The following PLAAT5 variants were observed in gnomAD, a reference collection of about 807,000 sequenced individuals.
PLAAT5 encodes Ca(2+)-independent N-acyltransferase.
Under a neutral mutation model 27.8 loss-of-function variants are expected in PLAAT5, and 27 were observed. That is an observed-to-expected ratio of 0.97 (90% confidence interval 0.72 to 1.34). The LOEUF (loss-of-function observed/expected upper bound fraction) is 1.34, where lower values mean the gene tolerates loss of function less well. PLAAT5 is among the 40% of genes most tolerant of loss of function. The pLI is 0.00. For synonymous variants in PLAAT5, 125 were observed against 136.1 expected (o/e 0.92, Z 0.57); for missense variants, 368 against 343.8 (o/e 1.07, Z -0.56).
intron 3 of PLAAT5, among the ~76,000 whole-genome samples, chr11:63,476,332 T>C (rs1181835606): frequency 6.6e-6 from 1 of 152,170 alleles, no homozygotes; most frequent in Admixed American, 6.5e-5. Context: ...TGGCTTAGAA[T>C]GCTATCTGGT....
intron 3 of PLAAT5, among the ~76,000 whole-genome samples, chr11:63,479,422 TA>T (rs2016230950): frequency 6.6e-6 from 1 of 152,256 alleles, no homozygotes. Flanking sequence ...GTCTGAAGTT[TA>T]AATATTTTGA....
intron 3 of PLAAT5, among the ~76,000 whole-genome samples, chr11:63,488,016 G>A (rs1443312158): frequency 6.6e-6 from 1 of 152,140 alleles, no homozygotes; most frequent in East Asian, 1.9e-4. Flanking sequence ...ATGGTGGCAG[G>A]TGCCTCTAGT....
At chr11:63,478,325 C>CTTT (rs768796267) in intron 3 of PLAAT5, among the ~76,000 whole-genome samples, 1 of 143,958 alleles carries the variant, frequency 6.9e-6, no homozygotes. Context: ...AATAGACTTT[C>CTTT]TTTTTTTTTT....
At chr11:63,466,657 T>C (rs1347479796) in intron 4 of PLAAT5, among the ~76,000 whole-genome samples, 2 of 152,188 alleles carry the variant, frequency 1.3e-5, no homozygotes, top group African/African-American at 2.4e-5. Context: ...TGCACTGACC[T>C]ACCCAAGTCC....
Position 63,488,951 on chromosome 11 carries a change from T to A in PLAAT5, c.265A>T (p.Thr89Ser), listed in dbSNP as rs540479116. The change falls in exon 3 of 6, where the codon ACC becomes TCC. Residue 89 changes from threonine (T) to serine (S), a missense_variant. By Grantham distance (58) the Thr-to-Ser change is moderately conservative. Transcript: ENST00000540857. ...QGEKAVVSLE[T>S]TPSQKADWSS... ...CAGTCTGCTTTCTGGCTGGGTGTGGTCTCCAAGCTAACTACAGCCTTCTCC... is the reference window on the plus strand; with the variant it reads ...CAGTCTGCTTTCTGGCTGGGTGTGGACTCCAAGCTAACTACAGCCTTCTCC... The A allele has an allele frequency of 6.2e-7, 1 of 1,613,120 alleles. No individual in the cohort carries two copies. Among genetic ancestry groups the A allele is most frequent in the South Asian group, 1.1e-5 (1 of 90,958 alleles).
In PLAAT5 at chr11:63,483,823, A is replaced by G. The variant is rs189980365; in HGVS notation, c.345+5048T>C. Among the ~76,000 whole-genome samples the G allele has an allele frequency of 5.5e-4, 63 of 115,356 alleles. 2 individuals are homozygous for G. In the East Asian group the frequency reaches 0.01, roughly 19 times the overall value. The allele number at this position is 115,356 out of a possible 152,430, so 75.7% of individuals were successfully genotyped here. On this transcript the variant is annotated intron_variant, in intron 3 of 5. Coordinates refer to ENST00000540857, the MANE Select transcript of PLAAT5 (RefSeq NM_001146729.2). ...TATGTATATATATATATATATATATATATATATATATATATATATACACAT... is the reference window on the plus strand; with the variant it reads ...TATGTATATATATATATATATATATGTATATATATATATATATATACACAT...
In PLAAT5 at chr11:63,490,251, G is replaced by A. The variant is rs545470378; in HGVS notation, c.231C>T (p.Ile77=). 6.2e-7 allele frequency: 1 copy of A among 1,614,180 alleles called. No homozygotes were observed. The highest frequency in any genetic ancestry group is 1.1e-5 in the South Asian group (1 of 91,078). ...PPGTLEQGRS[I]QQGEKAVVSL... ...CCTTACAATCTTCTTACCCTTGCTGGATGCTTCTGCCCTGTTCTAATGTGC... is the reference window on the plus strand; with the variant it reads ...CCTTACAATCTTCTTACCCTTGCTGAATGCTTCTGCCCTGTTCTAATGTGC... Residue 77 remains isoleucine, a synonymous_variant, in exon 2 of 6, where the codon ATC becomes ATT. Transcript: ENST00000540857.
At chr11:63,486,885 G>A (rs1337218578) in intron 3 of PLAAT5, among the ~76,000 whole-genome samples, 1 of 152,096 alleles carries the variant, frequency 6.6e-6, no homozygotes, top group Non-Finnish European at 1.5e-5. Flanking sequence ...AAGAAAACAG[G>A]AGAAAATCTT....
intron 3 of PLAAT5, chr11:63,470,793 C>G (rs1011123339): frequency 1.3e-5 from 2 of 152,116 alleles, no homozygotes; most frequent in African/African-American, 4.8e-5. Context: ...CTGCTCACAT[C>G]TTACTCAAAA....
chr11:63,483,799 ATGTATATATATATATATATATATAT>A (rs1565215183), intron 3 of PLAAT5, among the ~76,000 whole-genome samples: 2 of 50,830 alleles, frequency 3.9e-5, no homozygotes, highest in African/African-American at 5.2e-4. Flanking sequence ...ATATATATAT[ATGTATATATATATATATATATATAT>A]ATATATATAT....
chr11:63,476,863 ATTTTTC>A (rs1489998735), intron 3 of PLAAT5, among the ~76,000 whole-genome samples: 13 of 151,220 alleles, frequency 8.6e-5, no homozygotes, highest in Admixed American at 5.3e-4. Context: ...GGCTCTGTTC[ATTTTTC>A]TTTTTCTTTT....
rs958884710 is a variant in PLAAT5 at position 63,463,343 on chromosome 11, A to G, written c.*160T>C. Reference sequence around the variant, plus strand: ...AGAGTCTGTGGGTCTATGCTCGTATATATTGGATGTATTTCTGGAAGGGTA... The same window carrying G: ...AGAGTCTGTGGGTCTATGCTCGTATGTATTGGATGTATTTCTGGAAGGGTA... On this transcript the variant is annotated 3_prime_UTR_variant, in exon 6 of 6. Transcript: ENST00000540857. 3.1e-5 allele frequency: 21 copies of G among 681,528 alleles called. No homozygotes were observed. Among genetic ancestry groups the G allele is most frequent in the Non-Finnish European group, 2.7e-6 (1 of 375,802 alleles). The allele number at this position is 681,528 out of a possible 1,614,324, so 42.2% of individuals were successfully genotyped here.
intron 3 of PLAAT5, among the ~76,000 whole-genome samples, chr11:63,473,017 C>T (rs1220784758): frequency 5.3e-5 from 8 of 151,330 alleles, no homozygotes; most frequent in Non-Finnish European, 1.0e-4. Context: ...GGCTGAGGCA[C>T]GAGAATCGCT....
At chr11:63,472,999 A>C (rs952932282) in intron 3 of PLAAT5, among the ~76,000 whole-genome samples, 1 of 152,030 alleles carries the variant, frequency 6.6e-6, no homozygotes, top group African/African-American at 2.4e-5. Context: ...AGTCCCAGTT[A>C]CTTGGGAGGC....
chr11:63,474,961 C>T (rs1463218586), intron 3 of PLAAT5, among the ~76,000 whole-genome samples: 1 of 151,950 alleles, frequency 6.6e-6, no homozygotes, highest in South Asian at 2.1e-4. Context: ...TTGTAAATTT[C>T]CCAAAATATC....
chr11:63,466,908 A>C (rs2015881579), intron 4 of PLAAT5, among the ~76,000 whole-genome samples: 1 of 152,136 alleles, frequency 6.6e-6, no homozygotes, highest in African/African-American at 2.4e-5. Context: ...ACCTCTACTC[A>C]AATACGGGGA....
rs1282088773 is a variant in PLAAT5, at chr11:63,481,669, A to G, written c.345+7202T>C. On this transcript the variant is annotated intron_variant, in intron 3 of 5. Coordinates refer to ENST00000540857, the MANE Select transcript of PLAAT5 (RefSeq NM_001146729.2). ...TTGGAACCAACCCAAATGTCCAACA[A>G]TGATAGACTGGATTAAGAAAATGTG... is the stretch of plus-strand genomic sequence containing the variant. Among the ~76,000 whole-genome samples, 6 of 152,330 alleles carry G rather than the reference A, an allele frequency of 3.9e-5. No homozygotes were observed. In the East Asian group the frequency reaches 1.2e-3, roughly 29 times the overall value.
intron 3 of PLAAT5, among the ~76,000 whole-genome samples, chr11:63,479,692 C>A (rs2016238401): frequency 6.6e-6 from 1 of 152,172 alleles, no homozygotes; most frequent in Non-Finnish European, 1.5e-5. Context: ...CCCATAGGCC[C>A]ATCCTCACTG....
chr11:63,480,815 GCTGT>G (rs1348622754), intron 3 of PLAAT5, among the ~76,000 whole-genome samples: 5 of 152,128 alleles, frequency 3.3e-5, no homozygotes, highest in Non-Finnish European at 1.5e-5. Context: ...CCACAGAGTA[GCTGT>G]CTGTATGCTA....
Sources: allele counts gnomAD v4.1 joint callset (sites outside exome capture counted in the v4.1 genomes callset), GRCh38; gene constraint gnomAD v4.1.1; transcripts MANE v1.5; gene names NCBI Gene and HGNC (gene_info 2026-07-23, HGNC 2026-07-21).